The following TNRC6A variants were observed in gnomAD, a reference collection of about 807,000 sequenced individuals.
TNRC6A encodes trinucleotide repeat containing adaptor 6A, also known as trinucleotide repeat-containing gene 6A protein.
In TNRC6A, 44 loss-of-function variants were observed where a neutral mutation model predicts 221.2. The observed-to-expected ratio is 0.20, with a 90% CI of 0.16 to 0.26. The LOEUF is 0.26. Ranked by LOEUF, TNRC6A falls within the 10% of genes least tolerant of loss-of-function variation. TNRC6A has a pLI of 1.00. For missense variants in TNRC6A, 2,199 were observed against 2,404.4 expected (o/e 0.91, Z 1.79); for synonymous variants, 847 against 838.5 (o/e 1.01, Z -0.18).
intron 4 of TNRC6A, chr16:24,776,690 T>A: frequency 5.1e-6 from 5 of 985,406 alleles, no homozygotes; most frequent in Non-Finnish European, 6.0e-6. Flanking sequence ...GAACATGAGT[T>A]GTTGTCTTGG....
At chr16:24,646,999 C>A (rs562005512) in intron 2 of TNRC6A, among the ~76,000 whole-genome samples, 3 of 36,630 alleles carry the variant, frequency 8.2e-5, no homozygotes, top group South Asian at 3.0e-3. Flanking sequence ...TGCGGATTGA[C>A]CCCACTCCAG....
Position 24,650,701 on chromosome 16 carries a change from A to G in TNRC6A, n.402+9692A>G, listed in dbSNP as rs576994511. The stretch of plus-strand genomic sequence containing the variant: ...AAGAAAGAAAGAAAAAAAGGATTCA[A>G]ACCAAACGAATTGACACCTGTTAGA... On this transcript the variant is annotated intron_variant and non_coding_transcript_variant, in intron 2 of 2. Coordinates refer to the TNRC6A transcript ENST00000566108. Among the ~76,000 whole-genome samples, 5 of 152,162 alleles carry G rather than the reference A, an allele frequency of 3.3e-5. No individual in the cohort carries two copies. In the East Asian group the frequency reaches 9.6e-4, roughly 29 times the overall value.
In TNRC6A at chr16:24,758,240, G is replaced by T. The variant is rs752384481; in HGVS notation, c.142-99G>T. The T allele has an allele frequency of 7.8e-4, 918 of 1,180,398 alleles. 1 individual carries two copies. Among genetic ancestry groups the T allele is most frequent in the Non-Finnish European group, 1.0e-3 (846 of 816,910 alleles). The allele number at this position is 1,180,398 out of a possible 1,614,324, so 73.1% of individuals were successfully genotyped here. Reference sequence around the variant, plus strand: ...GAGAAATTCCTTGTTTAATAAAGGTGTATATGTCTTATATTAATATATGAA... The same window carrying T: ...GAGAAATTCCTTGTTTAATAAAGGTTTATATGTCTTATATTAATATATGAA... On this transcript the variant is annotated intron_variant, in intron 3 of 24. Coordinates refer to ENST00000395799, the MANE Select transcript of TNRC6A (RefSeq NM_014494.4).
intron 4 of TNRC6A, among the ~76,000 whole-genome samples, chr16:24,774,209 T>G (rs2057673594): frequency 6.6e-6 from 1 of 152,218 alleles, no homozygotes; most frequent in African/African-American, 2.4e-5. Context: ...TTGATATTTG[T>G]TACCTAGCAA....
At position 24,753,235 on chromosome 16, in the gene TNRC6A, A is replaced by G. The variant is rs377132244; in HGVS notation, c.141+2422A>G. ...GCCCACTTCATTCCTGTCTCACCCC[A>G]TGGTTCCAGTCTCTCACCTCAACCA... On this transcript the variant is annotated intron_variant, in intron 3 of 24. Coordinates refer to ENST00000395799, the MANE Select transcript of TNRC6A (RefSeq NM_014494.4). Among the ~76,000 whole-genome samples the G allele has an allele frequency of 5.9e-5, 9 of 152,268 alleles. No homozygotes were observed. The South Asian group carries it at 1.2e-3, about 21-fold the overall frequency.
At chr16:24,644,791 G>A (rs572495294) in intron 2 of TNRC6A, among the ~76,000 whole-genome samples, 3 of 152,062 alleles carry the variant, frequency 2.0e-5, no homozygotes, top group Admixed American at 6.6e-5. Flanking sequence ...AACCACACAC[G>A]TAATTGTAAA....
intron 17 of TNRC6A, among the ~76,000 whole-genome samples, 175 bp from the exon 18 acceptor site, chr16:24,809,175 T>A (rs1567510081): frequency 1.3e-5 from 2 of 152,218 alleles, no homozygotes; most frequent in Non-Finnish European, 2.9e-5. Context: ...GAGTTTTAAA[T>A]AAATCATCAA....
At chr16:24,666,654 A>T (rs1567338694) in intron 2 of TNRC6A, among the ~76,000 whole-genome samples, 4 of 124,880 alleles carry the variant, frequency 3.2e-5, no homozygotes, top group Admixed American at 1.8e-4. Flanking sequence ...AAAAAAAAAA[A>T]AAAAAAAAAA....
chr16:24,761,026 A>G (rs2057352430), intron 4 of TNRC6A, among the ~76,000 whole-genome samples: 1 of 152,210 alleles, frequency 6.6e-6, no homozygotes, highest in Non-Finnish European at 1.5e-5. Context: ...GACTGCCAAC[A>G]TTTAAAAATC....
At position 24,805,116 on chromosome 16, in the gene TNRC6A, C is replaced by A; in HGVS notation, c.4087C>A (p.Arg1363Ser). 1 of 1,614,198 alleles carries A rather than the reference C, an allele frequency of 6.2e-7. No homozygotes were observed. Among genetic ancestry groups the A allele is most frequent in the South Asian group, 1.1e-5 (1 of 91,086 alleles). ...QPLSSSQPNLRAQVPPPLLSP... is the reference protein window; with the variant it reads ...QPLSSSQPNLSAQVPPPLLSP... ...TCTTAGTTCATCTCAGCCTAATCTC[C>A]GTGCTCAAGTGCCTCCTCCATTACT... The change falls in exon 14 of 25, where the codon CGT (arginine) becomes AGT (serine). Residue 1363 changes from arginine to serine, a missense_variant. Physicochemically the swap from Arg to Ser is moderately radical, Grantham distance 110. Coordinates refer to ENST00000395799, the MANE Select transcript of TNRC6A (RefSeq NM_014494.4).
intron 2 of TNRC6A, among the ~76,000 whole-genome samples, chr16:24,716,191 G>C (rs775999460): frequency 6.6e-6 from 1 of 152,024 alleles, no homozygotes; most frequent in Non-Finnish European, 1.5e-5. Context: ...CAACCATTAG[G>C]TCCACCTCAT....
chr16:24,816,940 C>T lies in TNRC6A; in HGVS notation c.4956C>T (p.Leu1652=), dbSNP rs777062613. ...SINTVREVDH[L]RDRNSGSSSS... The stretch of plus-strand genomic sequence containing the variant: ...ATACTGTGCGGGAAGTTGACCACCT[C>T]AGGGACAGGAACAGTGGTACGTAGG... The change falls in exon 20 of 25, where the codon CTC becomes CTT. Residue 1652 remains leucine, a synonymous_variant. Coordinates refer to ENST00000395799, the MANE Select transcript of TNRC6A (RefSeq NM_014494.4). 6.2e-7 allele frequency: 1 copy of T among 1,613,594 alleles called. No homozygotes were observed. The highest frequency in any genetic ancestry group is 8.5e-7 in the Non-Finnish European group (1 of 1,179,894).
chr16:24,820,299 G>C lies in TNRC6A; in HGVS notation c.5241G>C (p.Trp1747Cys). Residue 1747 changes from tryptophan to cysteine, a missense_variant, in exon 22 of 25, where the codon TGG (tryptophan) becomes TGC (cysteine). This residue lies in a region of TNRC6A where 449 missense variants were observed against 579.7 expected (regional missense o/e 0.77). Coordinates refer to ENST00000395799, the MANE Select transcript of TNRC6A (RefSeq NM_014494.4). ...LTGQKPPLST[W>C]DNSPLRIGGG... ...GTCAGAAGCCACCCTTGTCTACGTG[G>C]GATAATTCTCCCCTTCGTATAGGTG... is the stretch of plus-strand genomic sequence containing the variant. The C allele has an allele frequency of 1.2e-6, 2 of 1,614,162 alleles. No homozygotes were observed. The highest frequency in any genetic ancestry group is 1.7e-6 in the Non-Finnish European group (2 of 1,180,022).
In TNRC6A at chr16:24,809,399, G is replaced by A. The variant is rs757269763; in HGVS notation, c.4590G>A (p.Glu1530=). Reference sequence around the variant, plus strand: ...ATATGGATATGAACAGTATTAAAGAGCCACAGTCAAGACTAAGGAAGTGGA... The same window carrying A: ...ATATGGATATGAACAGTATTAAAGAACCACAGTCAAGACTAAGGAAGTGGA... ...NVNMDMNSIK[E]PQSRLRKWTT... Residue 1530 remains glutamate (E), a synonymous_variant, in exon 18 of 25, where the codon GAG becomes GAA. Coordinates refer to ENST00000395799, the MANE Select transcript of TNRC6A (RefSeq NM_014494.4). The A allele has an allele frequency of 1.2e-5, 19 of 1,597,272 alleles. No homozygotes were observed. Among genetic ancestry groups the A allele is most frequent in the Non-Finnish European group, 1.6e-5 (19 of 1,170,606 alleles).
chr16:24,772,709 G>C (rs2057637625), intron 4 of TNRC6A, among the ~76,000 whole-genome samples: 1 of 152,166 alleles, frequency 6.6e-6, no homozygotes, highest in Admixed American at 6.5e-5. Context: ...CTTGAACCAG[G>C]GAGGTGGAGG....
At chr16:24,691,856 T>C (rs1040060621) in intron 2 of TNRC6A, among the ~76,000 whole-genome samples, 1 of 152,026 alleles carries the variant, frequency 6.6e-6, no homozygotes, top group African/African-American at 2.4e-5. Flanking sequence ...ATAAACTCAG[T>C]GAACTGAGCA....
At chr16:24,632,114 G>A (rs1164645015) in intron 1 of TNRC6A, among the ~76,000 whole-genome samples, 1 of 152,084 alleles carries the variant, frequency 6.6e-6, no homozygotes, top group African/African-American at 2.4e-5. Context: ...GCCTCCCAAA[G>A]TGCTGGGATT....
At chr16:24,739,529 A>T (rs1596582095) in intron 2 of TNRC6A, among the ~76,000 whole-genome samples, 2 of 128,972 alleles carry the variant, frequency 1.6e-5, no homozygotes, top group East Asian at 2.3e-4. Context: ...CCCAGGCTGG[A>T]GTGCAGTGGC....
chr16:24,796,555 G>A (rs571331266), intron 9 of TNRC6A, among the ~76,000 whole-genome samples: 1 of 152,204 alleles, frequency 6.6e-6, no homozygotes, highest in Admixed American at 6.5e-5. Context: ...AGAATAGAAA[G>A]GACAGAAGAA....
Sources: allele counts gnomAD v4.1 joint callset (sites outside exome capture counted in the v4.1 genomes callset), GRCh38; gene constraint gnomAD v4.1.1; regional missense constraint gnomAD v4.1.1; transcripts MANE v1.5; gene names NCBI Gene and HGNC (gene_info 2026-07-23, HGNC 2026-07-21).